Variants in HERC1 observed in about 807,000 individuals in gnomAD.
HERC1 encodes probable E3 ubiquitin-protein ligase HERC1.
HERC1 carries 160 observed loss-of-function variants against 554.3 expected under a neutral mutation model. The ratio of observed to expected loss-of-function variants is 0.29; its 90% CI spans 0.25 to 0.33. HERC1 has a LOEUF of 0.33. HERC1 is among the 10% of genes least tolerant of loss of function. HERC1 has a pLI of 1.00. For missense variants in HERC1, 4,919 were observed against 5,918.5 expected, an observed-to-expected ratio of 0.83 and a Z score of 5.54; for synonymous variants, 2,175 against 2,131.7, an observed-to-expected ratio of 1.02 and a Z score of -0.56.
intron 25 of HERC1, among the ~76,000 whole-genome samples, chr15:63,704,446 TTAAC>T (rs1337849741): frequency 1.3e-5 from 2 of 152,192 alleles, no homozygotes; most frequent in East Asian, 3.8e-4. Flanking sequence ...ACTTATAAAC[TTAAC>T]TAATATAGTA....
At chr15:63,702,569 A>G (rs559722052) in intron 25 of HERC1, among the ~76,000 whole-genome samples, 1 of 152,336 alleles carries the variant, frequency 6.6e-6, no homozygotes, top group East Asian at 1.9e-4. Flanking sequence ...TCTGTAAACA[A>G]TCGTACAACC....
At chr15:63,652,377 T>C (rs760789630) in intron 52 of HERC1, 37 bp downstream of exon 52, 3 of 1,559,716 alleles carry the variant, frequency 1.9e-6, no homozygotes, top group Non-Finnish European at 1.7e-6. Flanking sequence ...TAGGATTCTC[T>C]TATTTTAAAT....
intron 1 of HERC1, among the ~76,000 whole-genome samples, chr15:63,829,589 AT>A (rs1567172223): frequency 4.8e-4 from 67 of 138,330 alleles, no homozygotes; most frequent in African/African-American, 1.8e-3. Context: ...ATATATATAT[AT>A]ATATAATATA....
rs931563441 is a variant in HERC1 at position 63,749,922 on chromosome 15, T to C, written c.1903-131A>G. ...TAACTTTCTGATGTTAAAATCATTT[T>C]GATCATTTTAAAGATTGTTACAGCG... On this transcript the variant is annotated intron_variant, in intron 8 of 77. Coordinates refer to ENST00000443617, the MANE Select transcript of HERC1 (RefSeq NM_003922.4). The surrounding 1 kb of genome is among the most constrained non-coding windows in gnomAD (Gnocchi z 4.1). The C allele has an allele frequency of 2.2e-5, 17 of 787,054 alleles. No homozygotes were observed. Among genetic ancestry groups the C allele is most frequent in the Admixed American group, 1.8e-4 (5 of 28,136 alleles). 48.8% of individuals were successfully genotyped at this position (787,054 alleles called of 1,614,324 possible). A position where few individuals can be genotyped will look rare whatever the true frequency, so the allele number is the denominator to read the frequency against.
chr15:63,647,342 A>G (rs1019567315), intron 55 of HERC1, among the ~76,000 whole-genome samples: 1 of 152,162 alleles, frequency 6.6e-6, no homozygotes. Flanking sequence ...TAAAAAGACA[A>G]AAAACAACAG....
rs778384919 is a variant in HERC1 at position 63,662,015 on chromosome 15, A to C, written c.8908T>G (p.Cys2970Gly). 93 of 1,610,980 alleles carry C rather than the reference A, an allele frequency of 5.8e-5. No homozygotes were observed. The East Asian group carries it at 2.0e-3, about 35-fold the overall frequency. The change falls in exon 45 of 78, where the codon TGT becomes GGT. Residue 2970 changes from cysteine to glycine, a missense_variant. Coordinates refer to ENST00000443617, the MANE Select transcript of HERC1 (RefSeq NM_003922.4). ...EVLDWPTWHV[C>G]ESEDREEVVV... ...ACTTCTTCCCTGTCTTCAGACTCAC[A>C]AACATGCTGCACAAAAGGATTTCAT...
In HERC1 at chr15:63,696,346, G is replaced by GA. The variant is rs1567024367; in HGVS notation, c.4906-8dup. On this transcript the variant is annotated splice_polypyrimidine_tract_variant and splice_region_variant and intron_variant, in intron 26 of 77. Transcript: ENST00000443617. ...GAAGTGCCTCTAAACGAAGCTTGAG[G>GA]AAAAAAACATATTTTAGAGTTCTTC... 1.2e-5 allele frequency: 19 copies of GA among 1,593,448 alleles called. No homozygotes were observed. The Middle Eastern group carries it at 5.0e-4, about 42-fold the overall frequency.
intron 14 of HERC1, among the ~76,000 whole-genome samples, chr15:63,730,158 TAA>T (rs35881317): frequency 7.0e-6 from 1 of 142,384 alleles, no homozygotes. Context: ...TTTTTTCCAT[TAA>T]AAAAAAAAAA....
rs764342564 is a variant in HERC1 at position 63,758,363 on chromosome 15, T to G, written c.1033A>C (p.Arg345=). Residue 345 remains arginine, a synonymous_variant, in exon 4 of 78, where the codon AGA becomes CGA. Transcript: ENST00000443617. The surrounding 1 kb of genome is among the most constrained non-coding windows in gnomAD (Gnocchi z 4.0). The part of the protein sequence containing the change: ...AALCLFEEVC[R]MASDYSRTCA... ...GTTCTCGAATAATCAGAAGCCATTC[T>G]GCAAACCTATTAAAAATTTAAAATA... 3.2e-6 allele frequency: 5 copies of G among 1,578,180 alleles called. No individual in the cohort carries two copies. The Admixed American group carries it at 5.1e-5, about 16-fold the overall frequency.
In HERC1 at chr15:63,652,270, T is replaced by C. The variant is rs2069732196; in HGVS notation, c.10418+144A>G. The C allele has an allele frequency of 6.5e-5, 35 of 541,970 alleles. No homozygotes were observed. The South Asian group carries it at 1.2e-3, about 19-fold the overall frequency. 33.6% of individuals were successfully genotyped at this position (541,970 alleles called of 1,614,324 possible). On this transcript the variant is annotated intron_variant, in intron 52 of 77. Transcript: ENST00000443617. ...AATTGTTATCCTGGAAAGTTAAAAA[T>C]ACACACTGAAAATACAGTAATACTA...
intron 1 of HERC1, among the ~76,000 whole-genome samples, chr15:63,824,474 C>T (rs1170125082): frequency 6.8e-6 from 1 of 146,476 alleles, no homozygotes; most frequent in Non-Finnish European, 1.5e-5. Flanking sequence ...GCAGAGGTTG[C>T]AGTGAGCTGA....
intron 25 of HERC1, among the ~76,000 whole-genome samples, chr15:63,700,634 G>T (rs1376560477): frequency 7.5e-6 from 1 of 132,870 alleles, no homozygotes; most frequent in African/African-American, 2.8e-5. Context: ...GTTTTAGAAA[G>T]AATTATTAAG....
Position 63,775,751 on chromosome 15 carries a change from A to G in HERC1, c.-26-102T>C. 1.2e-6 allele frequency: 1 copy of G among 860,400 alleles called. No individual in the cohort carries two copies. Among genetic ancestry groups the G allele is most frequent in the Non-Finnish European group, 1.8e-6 (1 of 564,396 alleles). 53.3% of individuals were successfully genotyped at this position (860,400 alleles called of 1,614,324 possible). On this transcript the variant is annotated intron_variant, in intron 1 of 77. Coordinates refer to ENST00000443617, the MANE Select transcript of HERC1 (RefSeq NM_003922.4). The surrounding 1 kb of genome is among the most constrained non-coding windows in gnomAD (Gnocchi z 4.0). ...ACAATTAATGATTTCAAACTGGTGA[A>G]ATGCAGCCGGGTGCGGTGGCTCACG...
At position 63,689,642 on chromosome 15, in the gene HERC1, G is replaced by T; in HGVS notation, c.5995C>A (p.Gln1999Lys). 5 of 1,589,386 alleles carry T rather than the reference G, an allele frequency of 3.1e-6. No homozygotes were observed. Among genetic ancestry groups the T allele is most frequent in the Non-Finnish European group, 4.3e-6 (5 of 1,166,590 alleles). Residue 1999 changes from glutamine (Q) to lysine (K), a missense_variant, in exon 33 of 78, where the codon CAG becomes AAG. Physicochemically the swap from Gln to Lys is moderately conservative, Grantham distance 53. Transcript: ENST00000443617. ...SDCMWETPIA[Q>K]AKHAIQIKEK... is the part of the protein sequence containing the mutation. ...TTTATCTGAATAGCATGTTTGGCCTGAGCAATGGGTGTCTCCCACATACAA... is the reference window on the plus strand; with the variant it reads ...TTTATCTGAATAGCATGTTTGGCCTTAGCAATGGGTGTCTCCCACATACAA...
At chr15:63,668,909 T>G (rs141342240) in intron 40 of HERC1, among the ~76,000 whole-genome samples, 1 of 152,136 alleles carries the variant, frequency 6.6e-6, no homozygotes, top group Admixed American at 6.5e-5. Flanking sequence ...GACAACAGTA[T>G]CAACCAATTT....
intron 19 of HERC1, 145 bp downstream of exon 19, chr15:63,723,037 A>C (rs1023115408): frequency 4.0e-6 from 2 of 500,850 alleles, no homozygotes; most frequent in African/African-American, 2.0e-5. Flanking sequence ...AGGGAAAAAC[A>C]AATTGTTTAA....
chr15:63,808,620 G>GA (rs909935208), intron 1 of HERC1, among the ~76,000 whole-genome samples: 1 of 151,616 alleles, frequency 6.6e-6, no homozygotes, highest in South Asian at 2.1e-4. Flanking sequence ...GATCTTTGGG[G>GA]AAAAAAAAGA....
chr15:63,706,287 G>A (rs559623183), intron 25 of HERC1, among the ~76,000 whole-genome samples: 3 of 149,976 alleles, frequency 2.0e-5, no homozygotes, highest in Non-Finnish European at 4.4e-5. Flanking sequence ...AAGAGATAAA[G>A]CATCTCTTAC....
chr15:63,781,163 A>G (rs1399632301), intron 1 of HERC1, among the ~76,000 whole-genome samples: 1 of 152,230 alleles, frequency 6.6e-6, no homozygotes, highest in Non-Finnish European at 1.5e-5. Flanking sequence ...TACTACAAGC[A>G]GAGTTATAAA....
Sources: gnomAD v4.1 joint callset for allele counts (sites outside exome capture counted in the v4.1 genomes callset) on GRCh38, gnomAD v4.1.1 for gene constraint, Gnocchi (gnomAD v3.1) non-coding constraint, MANE v1.5 for transcripts, NCBI Gene and HGNC (gene_info 2026-07-23, HGNC 2026-07-21) for gene names.